Variants in FAM227B observed in about 807,000 individuals in gnomAD.
FAM227B encodes protein FAM227B.
A neutral mutation model predicts 73.8 loss-of-function variants in FAM227B; 88 were observed. That is an observed-to-expected ratio of 1.19 (90% CI 1.00 to 1.42). FAM227B has a LOEUF of 1.42. Ranked by LOEUF, FAM227B falls within the 40% of genes most tolerant of loss-of-function variation. The pLI is 0.00. For missense variants in FAM227B, 632 were observed against 590.9 expected, an observed-to-expected ratio of 1.07 and a Z score of -0.72; for synonymous variants, 210 against 190.5, an observed-to-expected ratio of 1.10 and a Z score of -0.84.
chr15:49,546,931 T>G (rs1286639405), intron 9 of FAM227B, among the ~76,000 whole-genome samples: 1 of 152,106 alleles, frequency 6.6e-6, no homozygotes, highest in Non-Finnish European at 1.5e-5. Context: ...ATACAGAGAA[T>G]GCCACAACGA....
intron 3 of FAM227B, among the ~76,000 whole-genome samples, chr15:49,599,547 T>C (rs947171063): frequency 1.3e-5 from 2 of 152,146 alleles, no homozygotes; most frequent in Non-Finnish European, 2.9e-5. Context: ...TCTGAGAGTT[T>C]TTCTTAATGT....
chr15:49,542,207 G>T (rs2071167084), intron 9 of FAM227B, among the ~76,000 whole-genome samples: 1 of 152,108 alleles, frequency 6.6e-6, no homozygotes, highest in Non-Finnish European at 1.5e-5. Flanking sequence ...AGAAGGTTTT[G>T]TGAACAGATT....
intron 10 of FAM227B, among the ~76,000 whole-genome samples, chr15:49,525,127 G>A (rs1449048512): frequency 6.6e-6 from 1 of 152,066 alleles, no homozygotes; most frequent in Non-Finnish European, 1.5e-5. Flanking sequence ...GAGGGAATCG[G>A]GGTAAAATGA....
At chr15:49,557,679 G>A (rs1293723093) in intron 9 of FAM227B, among the ~76,000 whole-genome samples, 7 of 152,120 alleles carry the variant, frequency 4.6e-5, no homozygotes, top group Non-Finnish European at 7.4e-5. Flanking sequence ...GCTCCCTCAC[G>A]CAGGGAAAGG....
chr15:49,589,957 G>T lies in FAM227B; in HGVS notation c.156C>A (p.Cys52Ter), dbSNP rs1249107925. 1 of 1,608,176 alleles carries T rather than the reference G, an allele frequency of 6.2e-7. No homozygotes were observed. Among genetic ancestry groups the T allele is most frequent in the Non-Finnish European group, 8.5e-7 (1 of 1,174,928 alleles). ...IHFRDDDKWSCTLKKIKEDSS... is the reference protein window; with the variant it reads ...IHFRDDDKWS ...TATCTTCTTTTATTTTTTTCAGAGT[G>T]CATGACCATTTATCATCATCTCTAA... Residue 52 changes from cysteine (C) to a stop codon, truncating the protein, a stop_gained, in exon 4 of 16, where the codon TGC becomes TGA. Transcript: ENST00000299338. LOFTEE classifies it high-confidence loss of function.
chr15:49,612,265 CCA>C, intron 2 of FAM227B, among the ~76,000 whole-genome samples: 1 of 152,080 alleles, frequency 6.6e-6, no homozygotes, highest in Non-Finnish European at 1.5e-5. Context: ...ACAACAGGCC[CCA>C]GTGTGTGATG....
At chr15:49,528,207 C>T (rs1396902516) in intron 10 of FAM227B, among the ~76,000 whole-genome samples, 1 of 151,734 alleles carries the variant, frequency 6.6e-6, no homozygotes, top group African/African-American at 2.4e-5. Flanking sequence ...ATATCTGCAA[C>T]CAATTGATCT....
At chr15:49,600,764 C>T (rs932263225) in intron 3 of FAM227B, among the ~76,000 whole-genome samples, 14 of 151,904 alleles carry the variant, frequency 9.2e-5, no homozygotes, top group Non-Finnish European at 1.8e-4. Context: ...ACTGCCAGGC[C>T]GGGCGTGGTG....
chr15:49,607,510 G>A (rs1179594547), intron 3 of FAM227B, among the ~76,000 whole-genome samples: 1 of 152,156 alleles, frequency 6.6e-6, no homozygotes, highest in African/African-American at 2.4e-5. Flanking sequence ...CTATTGTTAG[G>A]GGAGTTGAGG....
At chr15:49,453,608 C>T (rs754484455) in intron 11 of FAM227B, among the ~76,000 whole-genome samples, 10 of 152,162 alleles carry the variant, frequency 6.6e-5, no homozygotes, top group Non-Finnish European at 1.2e-4. Flanking sequence ...TGTTACTCTG[C>T]TCATGACAAC....
intron 11 of FAM227B, among the ~76,000 whole-genome samples, chr15:49,464,198 T>A (rs2054063735): frequency 6.6e-6 from 1 of 151,964 alleles, no homozygotes; most frequent in Non-Finnish European, 1.5e-5. Context: ...CTCCACAGAG[T>A]ATGTGTAGAT....
At chr15:49,364,991 C>A in intron 13 of FAM227B, 1 of 421,256 alleles carries the variant, frequency 2.4e-6, no homozygotes, top group African/African-American at 2.0e-5. Flanking sequence ...ACTGTCAGTA[C>A]CAGCTCATAA....
intron 13 of FAM227B, among the ~76,000 whole-genome samples, chr15:49,354,516 C>T (rs1048805548): frequency 1.3e-5 from 2 of 152,228 alleles, no homozygotes; most frequent in Non-Finnish European, 2.9e-5. Context: ...GTCACTCCCA[C>T]CTGAATACTG....
intron 11 of FAM227B, chr15:49,424,216 A>G: frequency 8.2e-7 from 1 of 1,214,420 alleles, no homozygotes; most frequent in Non-Finnish European, 1.2e-6. Flanking sequence ...AGATAGGAAG[A>G]GGTCAATGAC....
intron 9 of FAM227B, among the ~76,000 whole-genome samples, chr15:49,545,081 ATTC>A (rs2071636133): frequency 6.6e-6 from 1 of 152,012 alleles, no homozygotes; most frequent in South Asian, 2.1e-4. Context: ...ATTGGTACCA[ATTC>A]TTCTTTAAAT....
intron 13 of FAM227B, among the ~76,000 whole-genome samples, chr15:49,357,391 G>A (rs2043343293): frequency 6.7e-6 from 1 of 149,460 alleles, no homozygotes; most frequent in Admixed American, 6.7e-5. Flanking sequence ...AATAAAAAAT[G>A]ATAAAGGGGA....
In FAM227B at chr15:49,537,611, C is replaced by T. The variant is rs531712133; in HGVS notation, c.874+4069G>A. On this transcript the variant is annotated intron_variant, in intron 10 of 15. Transcript: ENST00000299338. ...AATCACCATATCATAAGGGTATCTG[C>T]ACTCCCATGTTCATTGCAGCATTCC... Among the ~76,000 whole-genome samples, 132 of 152,246 alleles carry T rather than the reference C, an allele frequency of 8.7e-4. 5 individuals carry two copies. The South Asian group carries it at 0.026, about 30-fold the overall frequency.
intron 11 of FAM227B, among the ~76,000 whole-genome samples, chr15:49,473,961 C>T (rs540454874): frequency 5.3e-5 from 8 of 152,164 alleles, no homozygotes; most frequent in African/African-American, 1.9e-4. Flanking sequence ...GAACAGTTGA[C>T]ATTTGCCTTT....
At chr15:49,482,094 C>CT (rs1488391041) in intron 11 of FAM227B, among the ~76,000 whole-genome samples, 3 of 152,106 alleles carry the variant, frequency 2.0e-5, no homozygotes, top group Non-Finnish European at 4.4e-5. Flanking sequence ...ATAATTGACA[C>CT]TTTGACTTTT....
Sources: allele counts gnomAD v4.1 joint callset (sites outside exome capture counted in the v4.1 genomes callset), GRCh38; gene constraint gnomAD v4.1.1; transcripts MANE v1.5; gene names NCBI Gene and HGNC (gene_info 2026-07-23, HGNC 2026-07-21).